Variants in CTNND2 observed in about 807,000 individuals in gnomAD.
CTNND2 encodes catenin delta 2.
A neutral mutation model predicts 144.4 loss-of-function variants in CTNND2; 22 were observed. The ratio of observed to expected loss-of-function variants is 0.15; its 90% CI spans 0.11 to 0.22. The LOEUF (loss-of-function observed/expected upper bound fraction) is 0.22. Among genes scored for constraint, CTNND2 ranks in the 10% least tolerant of loss-of-function variants. The pLI is 1.00. For missense variants in CTNND2, 1,353 were observed against 1,618.8 expected (o/e 0.84, Z 2.82); for synonymous variants, 751 against 695.6 (o/e 1.08, Z -1.25).
chr5:11,286,495 T>C (rs990307517), intron 9 of CTNND2, among the ~76,000 whole-genome samples: 2 of 152,224 alleles, frequency 1.3e-5, no homozygotes, highest in African/African-American at 4.8e-5. Flanking sequence ...ATAGCCGATA[T>C]GGGACCTGCA....
At chr5:11,880,333 T>TG (rs975022010) in intron 1 of CTNND2, among the ~76,000 whole-genome samples, 4 of 152,030 alleles carry the variant, frequency 2.6e-5, no homozygotes, top group African/African-American at 9.7e-5. Flanking sequence ...GAGTTCACTT[T>TG]GGGCAGAGGT....
At chr5:11,108,393 C>G (rs369267878) in intron 14 of CTNND2, among the ~76,000 whole-genome samples, 3 of 152,118 alleles carry the variant, frequency 2.0e-5, no homozygotes, top group Admixed American at 6.5e-5. Context: ...AAAACAGCAC[C>G]GTGTATATCA....
intron 3 of CTNND2, among the ~76,000 whole-genome samples, chr5:11,510,930 CA>C (rs58275679): frequency 0.49 from 71,123 of 143,904 alleles, 16,954 homozygotes; most frequent in African/African-American, 0.55. Flanking sequence ...GACTCTATCT[CA>C]AAAAAAAAAA....
chr5:11,658,602 T>C (rs1201848836), intron 2 of CTNND2, among the ~76,000 whole-genome samples: 1 of 152,092 alleles, frequency 6.6e-6, no homozygotes, highest in Non-Finnish European at 1.5e-5. Context: ...AAAACTGACA[T>C]CCCTCATCTT....
At chr5:11,724,165 A>C (rs1786870033) in intron 2 of CTNND2, among the ~76,000 whole-genome samples, 1 of 148,710 alleles carries the variant, frequency 6.7e-6, no homozygotes, top group African/African-American at 2.4e-5. Context: ...GACTATAGTT[A>C]ACTATTGAAA....
At chr5:11,828,300 T>A (rs989421249) in intron 1 of CTNND2, among the ~76,000 whole-genome samples, 1 of 151,962 alleles carries the variant, frequency 6.6e-6, no homozygotes, top group Non-Finnish European at 1.5e-5. Flanking sequence ...GAGGCCGAGG[T>A]GTGTGGATCA....
chr5:11,480,468 C>T (rs949773101), intron 3 of CTNND2, among the ~76,000 whole-genome samples: 2 of 152,234 alleles, frequency 1.3e-5, no homozygotes, highest in East Asian at 1.9e-4. Flanking sequence ...ATGCTGCTCC[C>T]ATGATGTAAG....
chr5:11,251,322 C>T (rs533324090), intron 9 of CTNND2, among the ~76,000 whole-genome samples: 2 of 152,148 alleles, frequency 1.3e-5, no homozygotes, highest in Non-Finnish European at 2.9e-5. Context: ...CTAACATGTC[C>T]GTGCTTTGGG....
intron 9 of CTNND2, among the ~76,000 whole-genome samples, chr5:11,321,513 GAA>G (rs1388658022): frequency 2.0e-5 from 3 of 152,160 alleles, no homozygotes; most frequent in Non-Finnish European, 2.9e-5. Flanking sequence ...TGCTATTTAA[GAA>G]AGCCCTGTAA....
At chr5:11,457,049 T>C (rs941024154) in intron 3 of CTNND2, among the ~76,000 whole-genome samples, 2 of 152,254 alleles carry the variant, frequency 1.3e-5, no homozygotes, top group Non-Finnish European at 2.9e-5. Context: ...AGCACTCTCT[T>C]AAGCACTTTC....
chr5:11,173,885 G>A (rs1560969259), intron 11 of CTNND2, among the ~76,000 whole-genome samples: 1 of 152,162 alleles, frequency 6.6e-6, no homozygotes, highest in Non-Finnish European at 1.5e-5. Context: ...AAGGATGGTT[G>A]GTTTTTAAAC....
chr5:11,586,263 C>A (rs776453045), intron 2 of CTNND2, among the ~76,000 whole-genome samples: 1 of 152,188 alleles, frequency 6.6e-6, no homozygotes, highest in Non-Finnish European at 1.5e-5. Flanking sequence ...TTGGCCACGA[C>A]ACCAGCACAG....
chr5:11,570,638 CTTTTT>C (rs1229330011), intron 2 of CTNND2, among the ~76,000 whole-genome samples: 2 of 151,256 alleles, frequency 1.3e-5, no homozygotes, highest in Non-Finnish European at 3.0e-5. Context: ...GTTTTCTTTT[CTTTTT>C]TCTTTTTTTT....
At chr5:11,789,359 C>T (rs1791016027) in intron 1 of CTNND2, among the ~76,000 whole-genome samples, 1 of 152,080 alleles carries the variant, frequency 6.6e-6, no homozygotes, top group Non-Finnish European at 1.5e-5. Flanking sequence ...TTTCTCTTGC[C>T]TTCCCATTCA....
chr5:11,826,844 C>G (rs1273482034), intron 1 of CTNND2, among the ~76,000 whole-genome samples: 1 of 151,592 alleles, frequency 6.6e-6, no homozygotes, highest in African/African-American at 2.4e-5. Flanking sequence ...GTATATAATT[C>G]AAAGAAGAAA....
chr5:11,118,881 G>T (rs554351595), intron 12 of CTNND2, among the ~76,000 whole-genome samples: 1 of 152,214 alleles, frequency 6.6e-6, no homozygotes, highest in Non-Finnish European at 1.5e-5. Context: ...CTCTGCTTCA[G>T]ATGGCCAAGA....
At chr5:11,594,351 A>C (rs1779404640) in intron 2 of CTNND2, among the ~76,000 whole-genome samples, 1 of 152,106 alleles carries the variant, frequency 6.6e-6, no homozygotes, top group Non-Finnish European at 1.5e-5. Flanking sequence ...AAAAACCAAA[A>C]TTTTTCTGTA....
chr5:11,861,023 C>T (rs1795480079), intron 1 of CTNND2, among the ~76,000 whole-genome samples: 1 of 152,186 alleles, frequency 6.6e-6, no homozygotes, highest in Non-Finnish European at 1.5e-5. Flanking sequence ...GAATGCTCTT[C>T]CTGTTACTGC....
chr5:11,020,002 A>G (rs1742067735), intron 17 of CTNND2, among the ~76,000 whole-genome samples: 1 of 152,212 alleles, frequency 6.6e-6, no homozygotes. Flanking sequence ...GTTAATAACA[A>G]TTACACAATT....
Sources: allele counts gnomAD v4.1 joint callset (sites outside exome capture counted in the v4.1 genomes callset), GRCh38; gene constraint gnomAD v4.1.1; transcripts MANE v1.5; gene names NCBI Gene and HGNC (gene_info 2026-07-23, HGNC 2026-07-21).